MACF1: variants seen among roughly 807,000 people sequenced by gnomAD.
MACF1 encodes the protein microtubule actin crosslinking factor 1, also known as microtubule-actin cross-linking factor 1.
MACF1 carries 193 observed loss-of-function variants against 854.8 expected under a neutral mutation model. That is an observed-to-expected ratio of 0.23 (90% CI 0.20 to 0.25). The LOEUF (loss-of-function observed/expected upper bound fraction) is 0.25. Among genes scored for constraint, MACF1 ranks in the 10% least tolerant of loss-of-function variants. MACF1 has a pLI of 1.00. For synonymous variants in MACF1, 3,185 were observed against 3,226.7 expected (o/e 0.99, Z 0.44); for missense variants, 7,722 against 8,929.1 (o/e 0.86, Z 5.45).
In MACF1 at chr1:39,084,582, G is replaced by A; in HGVS notation, c.220+144G>A. The A allele has an allele frequency of 1.4e-6, 1 of 725,048 alleles. No homozygotes were observed. Among genetic ancestry groups the A allele is most frequent in the South Asian group, 1.9e-5 (1 of 52,630 alleles). 44.9% of individuals were successfully genotyped at this position (725,048 alleles called of 1,614,324 possible). ...CATCTGATTTGTTATTATTATTCTT[G>A]GAAAGACGTTGAAATAACATTAACG... On this transcript the variant is annotated intron_variant, in intron 2 of 93. Coordinates refer to the MACF1 transcript ENST00000361689. The surrounding 1 kb of genome is among the most constrained non-coding windows in gnomAD (Gnocchi z 5.2).
chr1:39,279,673 G>A (rs577453090), intron 6 of MACF1, among the ~76,000 whole-genome samples: 1 of 152,088 alleles, frequency 6.6e-6, no homozygotes, highest in East Asian at 1.9e-4. Context: ...ATGTACCCTC[G>A]GCACTATCTA....
chr1:39,357,582 G>C lies in MACF1; in HGVS notation c.11632G>C (p.Glu3878Gln). 1 of 1,614,144 alleles carries C rather than the reference G, an allele frequency of 6.2e-7. No individual in the cohort carries two copies. The highest frequency in any genetic ancestry group is 8.5e-7 in the Non-Finnish European group (1 of 1,179,992). Residue 3878 changes from glutamate to glutamine, a missense_variant, in exon 45 of 101, where the codon GAG becomes CAG. This residue lies in a region of MACF1 where 2,807 missense variants were observed against 3,235.8 expected (regional missense o/e 0.87). Coordinates refer to ENST00000564288, the MANE Select transcript of MACF1 (RefSeq NM_001394062.1). ...ELKQVQTLQD[E>Q]LQKFLQDHKE... ...GAAGCAGGTGCAGACACTTCAGGATGAGTTGCAGAAATTTCTGCAGGATCA... is the reference window on the plus strand; with the variant it reads ...GAAGCAGGTGCAGACACTTCAGGATCAGTTGCAGAAATTTCTGCAGGATCA...
chr1:39,115,664 C>T (rs558521338), intron 2 of MACF1, among the ~76,000 whole-genome samples: 32 of 152,194 alleles, frequency 2.1e-4, no homozygotes, highest in African/African-American at 7.5e-4. Context: ...AGAGAGTCAT[C>T]AGCTTATCAA....
At chr1:39,440,312 CCCAGGCTTGT>C (rs749716772) in intron 72 of MACF1, among the ~76,000 whole-genome samples, 6 of 151,064 alleles carry the variant, frequency 4.0e-5, no homozygotes, top group Non-Finnish European at 8.9e-5. Context: ...CACCATGTTG[CCCAGGCTTGT>C]CCAGAACTCC....
At chr1:39,297,263 A>G (rs933526656) in intron 20 of MACF1, among the ~76,000 whole-genome samples, 1 of 152,132 alleles carries the variant, frequency 6.6e-6, no homozygotes, top group Non-Finnish European at 1.5e-5. Context: ...TGATTATTTC[A>G]TAGTATGAAT....
At chr1:39,451,262 G>A (rs1273916843) in intron 85 of MACF1, 51 bp downstream of exon 85, 2 of 1,563,472 alleles carry the variant, frequency 1.3e-6, no homozygotes, top group African/African-American at 1.4e-5. Context: ...TTCTGTATAT[G>A]ACTGCCTAGG....
Position 39,434,647 on chromosome 1 carries a change from A to G in MACF1, c.17784+15A>G. 1 of 1,609,174 alleles carries G rather than the reference A, an allele frequency of 6.2e-7. No individual in the cohort carries two copies. The highest frequency in any genetic ancestry group is 8.5e-7 in the Non-Finnish European group (1 of 1,176,502). On this transcript the variant is annotated intron_variant, in intron 69 of 100. Transcript: ENST00000564288. ...AGGAAATGAGGGTAAGGAGCATGCC[A>G]AGTTTCATTTTATTGTTCTAAAATG...
chr1:39,251,985 G>A (rs920377392), intron 4 of MACF1, 44 bp downstream of exon 4: 6 of 1,319,004 alleles, frequency 4.5e-6, no homozygotes, highest in South Asian at 1.5e-5. Flanking sequence ...GGCACTGCTG[G>A]CACTGCAGGG....
chr1:39,257,628 A>G (rs1645112403), intron 5 of MACF1: 5 of 271,492 alleles, frequency 1.8e-5, no homozygotes, highest in South Asian at 1.8e-4. Flanking sequence ...TGCATGCTGC[A>G]TGATCCCATT....
At chr1:39,439,847 C>T (rs1026960827) in intron 72 of MACF1, among the ~76,000 whole-genome samples, 1 of 152,076 alleles carries the variant, frequency 6.6e-6, no homozygotes, top group Admixed American at 6.6e-5. Context: ...CTCAGGTGAT[C>T]CACCCACCTT....
chr1:39,281,122 A>G (rs1645535443), intron 6 of MACF1, among the ~76,000 whole-genome samples: 1 of 152,174 alleles, frequency 6.6e-6, no homozygotes, highest in East Asian at 1.9e-4. Context: ...CCTCACCTGC[A>G]TTATGATCTC....
intron 2 of MACF1, among the ~76,000 whole-genome samples, chr1:39,127,341 T>G (rs1030933135): frequency 1.3e-5 from 2 of 152,244 alleles, no homozygotes; most frequent in Non-Finnish European, 2.9e-5. Flanking sequence ...CTTCGTTTTC[T>G]GGGCTGAATG....
Position 39,248,292 on chromosome 1 carries a change from CCTA to C in MACF1, c.172-1719_172-1717del, listed in dbSNP as rs911506535. On this transcript the variant is annotated intron_variant, in intron 2 of 100. Transcript: ENST00000564288. The stretch of plus-strand genomic sequence containing the variant: ...TATCTTGTCCAGTTTCCATTCTTAT[CCTA>C]CTTTCTTTTTTTTTATTATTTTTTT... Among the ~76,000 whole-genome samples, 66 of 152,178 alleles carry C rather than the reference CCTA, an allele frequency of 4.3e-4. 1 individual carries two copies. The highest frequency in any genetic ancestry group is 1.2e-4 in the Non-Finnish European group (8 of 68,002).
intron 58 of MACF1, among the ~76,000 whole-genome samples, chr1:39,388,981 C>T (rs1641916931): frequency 6.8e-6 from 1 of 147,378 alleles, no homozygotes; most frequent in Non-Finnish European, 1.5e-5. Flanking sequence ...TAGGCTCAAG[C>T]GATCCTCCCA....
chr1:39,369,894 C>A lies in MACF1; in HGVS notation c.12939-136C>A. Reference sequence around the variant, plus strand: ...GTTATATGCGGTTGTTCAGCCAAACCTGCTATGGAAAAGATTATGAGAAAG... The same window carrying A: ...GTTATATGCGGTTGTTCAGCCAAACATGCTATGGAAAAGATTATGAGAAAG... On this transcript the variant is annotated intron_variant, in intron 50 of 100. Coordinates refer to ENST00000564288, the MANE Select transcript of MACF1 (RefSeq NM_001394062.1). 1.1e-5 allele frequency: 8 copies of A among 755,180 alleles called. No individual in the cohort carries two copies. The South Asian group carries it at 1.6e-4, about 15-fold the overall frequency. The allele number at this position is 755,180 out of a possible 1,614,324, so 46.8% of individuals were successfully genotyped here.
At chr1:39,137,331 A>G (rs1304471493) in intron 2 of MACF1, among the ~76,000 whole-genome samples, 1 of 152,160 alleles carries the variant, frequency 6.6e-6, no homozygotes, top group Non-Finnish European at 1.5e-5. Context: ...CGGCCTCTCA[A>G]AGTGTTGGGA....
intron 97 of MACF1, among the ~76,000 whole-genome samples, chr1:39,479,139 C>T (rs1235890080): frequency 1.3e-5 from 2 of 152,210 alleles, no homozygotes; most frequent in Non-Finnish European, 1.5e-5. Context: ...GTTCCTCCTA[C>T]TTGCAGTTAC....
Position 39,332,809 on chromosome 1 carries a change from T to C in MACF1, c.6221T>C (p.Val2074Ala). ...ACTGTAGAAACAGAAGATTCTTCTG[T>C]AGAGAACCCTGAACAGGATCTGTTT... Reference protein sequence around the residue: ...KTTVETEDSSVENPEQDLFVE... With the variant: ...KTTVETEDSSAENPEQDLFVE... The change falls in exon 37 of 101, where the codon GTA becomes GCA. Residue 2074 changes from valine (V) to alanine (A), a missense_variant. Val to Ala is a moderately conservative substitution (Grantham distance 64). Coordinates refer to ENST00000564288, the MANE Select transcript of MACF1 (RefSeq NM_001394062.1). The C allele has an allele frequency of 3.1e-6, 5 of 1,614,064 alleles. No individual in the cohort carries two copies. Among genetic ancestry groups the C allele is most frequent in the Non-Finnish European group, 3.4e-6 (4 of 1,180,016 alleles).
intron 26 of MACF1, among the ~76,000 whole-genome samples, chr1:39,314,870 C>A (rs1277789719): frequency 2.0e-5 from 3 of 152,160 alleles, no homozygotes; most frequent in African/African-American, 7.2e-5. Flanking sequence ...AAAGGTATAT[C>A]TATAGTTCGA....
Sources: gnomAD v4.1 joint callset for allele counts (sites outside exome capture counted in the v4.1 genomes callset) on GRCh38, gnomAD v4.1.1 for gene constraint, gnomAD v4.1.1 regional missense constraint, Gnocchi (gnomAD v3.1) non-coding constraint, MANE v1.5 for transcripts, NCBI Gene and HGNC (gene_info 2026-07-23, HGNC 2026-07-21) for gene names.